KLHL13: variants seen among roughly 807,000 people sequenced by gnomAD.
KLHL13 encodes the protein kelch-like protein 13.
Under a neutral mutation model 37.1 loss-of-function variants are expected in KLHL13, and 10 were observed. The observed-to-expected ratio is 0.27, with a 90% CI of 0.17 to 0.46. KLHL13 has a LOEUF of 0.46. Ranked by LOEUF, KLHL13 falls within the 20% of genes least tolerant of loss-of-function variation. The pLI, the probability that KLHL13 is intolerant of heterozygous loss-of-function variation, is 1.00. For missense variants in KLHL13, 360 were observed against 509.3 expected, an observed-to-expected ratio of 0.71 and a Z score of 2.82; for synonymous variants, 163 against 181.2, an observed-to-expected ratio of 0.90 and a Z score of 0.81.
chrX:117,964,998 T>C (rs371261116), intron 1 of KLHL13, among the ~76,000 whole-genome samples: 6 of 111,948 alleles, frequency 5.4e-5, no homozygotes, highest in African/African-American at 1.6e-4. Context: ...TGATGGACAT[T>C]TGGGTTGGTT....
chrX:117,898,778 C>T (rs1182972771), exon 7 of KLHL13: 12 of 772,018 alleles, frequency 1.6e-5, no homozygotes, highest in Non-Finnish European at 2.0e-5. Context: ...TCAATGTTGT[C>T]TTTTTTCCAA....
intron 1 of KLHL13, among the ~76,000 whole-genome samples, chrX:117,965,658 A>G (rs901020982): frequency 4.5e-5 from 5 of 111,436 alleles, no homozygotes; most frequent in Non-Finnish European, 9.4e-5. Context: ...ATCCTCAATA[A>G]AATACTGGCA....
chrX:118,006,631 T>C (rs761237120), intron 1 of KLHL13, among the ~76,000 whole-genome samples: 1 of 112,289 alleles, frequency 8.9e-6, no homozygotes, highest in Non-Finnish European at 1.9e-5. Context: ...AGCTTGAATT[T>C]ATTCAGGGTC....
chrX:118,091,037 C>G (rs1366637279), intron 1 of KLHL13, among the ~76,000 whole-genome samples: 1 of 102,636 alleles, frequency 9.7e-6, no homozygotes, highest in African/African-American at 3.6e-5. Flanking sequence ...GACAAAAAAC[C>G]AAACACCGCA....
At chrX:118,115,327 T>C (rs773644554) in intron 1 of KLHL13, among the ~76,000 whole-genome samples, 4 of 112,701 alleles carry the variant, frequency 3.5e-5, no homozygotes, top group Non-Finnish European at 7.5e-5. Flanking sequence ...AGTATGAAAG[T>C]GAGCAAATGA....
chrX:117,911,744 G>A (rs1175098315), intron 4 of KLHL13, among the ~76,000 whole-genome samples: 2 of 111,566 alleles, frequency 1.8e-5, no homozygotes, highest in Non-Finnish European at 3.8e-5. Context: ...CTTTTTTATG[G>A]CTGCATAGTA....
intron 2 of KLHL13, among the ~76,000 whole-genome samples, chrX:117,943,754 C>T (rs927834876): frequency 2.8e-5 from 3 of 108,973 alleles, no homozygotes; most frequent in African/African-American, 1.0e-4. Context: ...TCTTAGCTTC[C>T]TTGCATTGGG....
At chrX:118,018,134 T>C (rs1403014806) in intron 1 of KLHL13, among the ~76,000 whole-genome samples, 1 of 111,798 alleles carries the variant, frequency 8.9e-6, no homozygotes, top group African/African-American at 3.2e-5. Flanking sequence ...GTAAAATATA[T>C]GATGGATGGT....
intron 1 of KLHL13, among the ~76,000 whole-genome samples, chrX:118,003,288 G>A (rs1460832768): frequency 8.9e-6 from 1 of 112,173 alleles, no homozygotes; most frequent in Non-Finnish European, 1.9e-5. Context: ...GGGCCAAGGT[G>A]GGAGGAGCAC....
intron 1 of KLHL13, among the ~76,000 whole-genome samples, chrX:118,049,176 C>G (rs887077601): frequency 2.7e-5 from 3 of 111,464 alleles, no homozygotes; most frequent in Non-Finnish European, 5.6e-5. Context: ...TAAACTGATG[C>G]TATATAAAAG....
At chrX:118,038,041 T>A (rs191345366) in intron 1 of KLHL13, among the ~76,000 whole-genome samples, 123 of 112,082 alleles carry the variant, frequency 1.1e-3, no homozygotes, top group African/African-American at 3.8e-3. Context: ...AGGAAAAATA[T>A]TGAAAAAAGG....
At chrX:118,059,892 A>C (rs1054621276) in intron 1 of KLHL13, among the ~76,000 whole-genome samples, 1 of 111,658 alleles carries the variant, frequency 9.0e-6, no homozygotes, top group Non-Finnish European at 1.9e-5. Flanking sequence ...TCTACCACTG[A>C]ACTGTGTTAC....
intron 1 of KLHL13, among the ~76,000 whole-genome samples, chrX:118,006,375 A>C (rs2053982689): frequency 9.0e-6 from 1 of 111,128 alleles, no homozygotes; most frequent in South Asian, 3.8e-4. Flanking sequence ...ATTGTGCCAA[A>C]AAAAAAAAGA....
intron 1 of KLHL13, among the ~76,000 whole-genome samples, chrX:117,981,742 A>C (rs970497180): frequency 9.0e-6 from 1 of 111,541 alleles, no homozygotes; most frequent in African/African-American, 3.3e-5. Context: ...TAGAAATATC[A>C]ATTTTTCAGA....
At position 118,031,497 on chromosome X, in the gene KLHL13, A is replaced by T. The variant is rs1370543847; in HGVS notation, c.-56+85011T>A. On this transcript the variant is annotated intron_variant, in intron 1 of 6. Coordinates refer to the KLHL13 transcript ENST00000371882. ...TATATATATAGATATATATATTTAG[A>T]TATATATATATACACACACATATAT... Among the ~76,000 whole-genome samples, 46 of 90,910 alleles carry T rather than the reference A, an allele frequency of 5.1e-4. 1 individual carries two copies. The highest frequency in any genetic ancestry group is 2.0e-3 in the African/African-American group (44 of 21,483). The allele number at this position is 90,910 out of a possible 115,157, so 78.9% of individuals were successfully genotyped here. A position where few individuals can be genotyped will look rare whatever the true frequency, so the allele number is the denominator to read the frequency against.
chrX:118,031,599 ATATT>A (rs897924055), intron 1 of KLHL13, among the ~76,000 whole-genome samples: 2 of 98,299 alleles, frequency 2.0e-5, no homozygotes, highest in South Asian at 4.4e-4. Context: ...AGTTATATAT[ATATT>A]TAGTTATATA....
At chrX:118,030,342 AT>A (rs1321217775) in intron 1 of KLHL13, among the ~76,000 whole-genome samples, 2 of 112,067 alleles carry the variant, frequency 1.8e-5, no homozygotes, top group Non-Finnish European at 3.8e-5. Context: ...AGATGTTAAA[AT>A]TTTTTAATTA....
intron 1 of KLHL13, among the ~76,000 whole-genome samples, chrX:118,035,564 A>T (rs995684973): frequency 6.1e-4 from 66 of 108,874 alleles, no homozygotes; most frequent in South Asian, 3.4e-3. Flanking sequence ...AAAAACTCTC[A>T]ATAAATTAGG....
intron 1 of KLHL13, among the ~76,000 whole-genome samples, chrX:118,106,474 A>C (rs2055348185): frequency 8.9e-6 from 1 of 111,958 alleles, no homozygotes; most frequent in Admixed American, 9.5e-5. Flanking sequence ...CTGCCTTTTT[A>C]TCATCAAATG....
Sources: allele counts gnomAD v4.1 joint callset (sites outside exome capture counted in the v4.1 genomes callset), GRCh38; gene constraint gnomAD v4.1.1; transcripts MANE v1.5; gene names NCBI Gene and HGNC (gene_info 2026-07-23, HGNC 2026-07-21).